The following CFAP20DC variants were observed in gnomAD, a reference collection of about 807,000 sequenced individuals.
The protein encoded by CFAP20DC is protein CFAP20DC.
CFAP20DC carries 84 observed loss-of-function variants against 101.7 expected under a neutral mutation model. That is an observed-to-expected ratio of 0.83 (90% CI 0.69 to 0.99). The LOEUF is 0.99. Among genes scored for constraint, CFAP20DC ranks in the 50% least tolerant of loss-of-function variants. CFAP20DC has a pLI of 0.00. For missense variants in CFAP20DC, 1,007 were observed against 970.3 expected, an observed-to-expected ratio of 1.04 and a Z score of -0.50; for synonymous variants, 359 against 351.2, an observed-to-expected ratio of 1.02 and a Z score of -0.25.
intron 4 of CFAP20DC, among the ~76,000 whole-genome samples, chr3:59,034,665 C>T (rs1160959840): frequency 3.9e-5 from 6 of 152,144 alleles, no homozygotes; most frequent in Non-Finnish European, 7.4e-5. Context: ...TATATATACA[C>T]CCAATACAGG....
intron 4 of CFAP20DC, among the ~76,000 whole-genome samples, chr3:58,995,211 C>T (rs1055192976): frequency 2.0e-5 from 3 of 152,064 alleles, no homozygotes; most frequent in Non-Finnish European, 4.4e-5. Context: ...GCCTGCCTTC[C>T]TCTGCCCCAT....
chr3:58,878,744 G>C (rs781156659), intron 7 of CFAP20DC, among the ~76,000 whole-genome samples: 34 of 152,194 alleles, frequency 2.2e-4, no homozygotes, highest in Non-Finnish European at 4.3e-4. Context: ...GGGCGGGGTG[G>C]CTCACGCCTG....
rs754704028 is a variant in CFAP20DC at position 58,799,727 on chromosome 3, GTGTGTC to G, written c.2237+6662_2237+6667del. Among the ~76,000 whole-genome samples the G allele has an allele frequency of 2.2e-4, 29 of 130,296 alleles. No homozygotes were observed. Among genetic ancestry groups the G allele is most frequent in the South Asian group, 1.2e-3 (5 of 4,192 alleles). The allele number at this position is 130,296 out of a possible 152,430, so 85.5% of individuals were successfully genotyped here. ...AGGAGCAGTGTGTGTGTGTCTGTGT[GTGTGTC>G]TGTGTGTGTGTGTGTGTGTGTGTGT... On this transcript the variant is annotated intron_variant, in intron 15 of 16. Coordinates refer to ENST00000482387, the MANE Select transcript of CFAP20DC (RefSeq NM_001394063.1). This position sits in a 1 kb window ranked among gnomAD's most constrained non-coding sequence, Gnocchi z 4.9.
At chr3:58,733,399 C>T (rs2067685547) in intron 3 of CFAP20DC, among the ~76,000 whole-genome samples, 1 of 151,938 alleles carries the variant, frequency 6.6e-6, no homozygotes, top group South Asian at 2.1e-4. Flanking sequence ...TCTGTTTAAA[C>T]AAATATACCT....
In CFAP20DC at chr3:58,992,511, G is replaced by GT. The variant is rs533410295; in HGVS notation, c.278+47045dup. ...AAATGAAAGAAAAAAACCTCACCTCGTTCTTCAAATGGTTTGAGAAGTCCT... is the reference window on the plus strand; with the variant it reads ...AAATGAAAGAAAAAAACCTCACCTCGTTTCTTCAAATGGTTTGAGAAGTCCT... On this transcript the variant is annotated intron_variant, in intron 4 of 16. Transcript: ENST00000482387. 2,816 of 952,380 alleles carry GT rather than the reference G, an allele frequency of 3.0e-3. 5 individuals carry two copies. Among genetic ancestry groups the GT allele is most frequent in the Non-Finnish European group, 3.4e-3 (2,691 of 800,064 alleles). The allele number at this position is 952,380 out of a possible 1,614,324, so 59.0% of individuals were successfully genotyped here. A position where few individuals can be genotyped will look rare whatever the true frequency, so the allele number is the denominator to read the frequency against.
At chr3:58,835,468 A>G (rs1030864606) in intron 13 of CFAP20DC, among the ~76,000 whole-genome samples, 3 of 152,208 alleles carry the variant, frequency 2.0e-5, no homozygotes, top group Non-Finnish European at 2.9e-5. Flanking sequence ...TATTCCCTGT[A>G]TTCCACTGCA....
In CFAP20DC at chr3:58,847,121, T is replaced by C. The variant is rs1162949677; in HGVS notation, c.1971+1911A>G. On this transcript the variant is annotated intron_variant, in intron 13 of 16. Coordinates refer to ENST00000482387, the MANE Select transcript of CFAP20DC (RefSeq NM_001394063.1). ...TAGGCATGGGCAAGGACTTCATGTC[T>C]AAAACACCAAAAGCAATGGCAACAA... 1.7e-3 allele frequency among the ~76,000 whole-genome samples: 213 copies of C among 123,516 alleles called. 1 individual carries two copies. Among genetic ancestry groups the C allele is most frequent in the Non-Finnish European group, 2.8e-3 (164 of 59,168 alleles). The allele number at this position is 123,516 out of a possible 152,430, so 81.0% of individuals were successfully genotyped here.
At chr3:59,039,697 T>C in intron 3 of CFAP20DC, 68 bp from the exon 4 acceptor site, 1 of 944,322 alleles carries the variant, frequency 1.1e-6, no homozygotes, top group Non-Finnish European at 1.6e-6. Context: ...ACAAACACAA[T>C]CACAAACCAC....
intron 6 of CFAP20DC, among the ~76,000 whole-genome samples, chr3:58,890,328 C>T (rs1288654792): frequency 6.9e-6 from 1 of 145,498 alleles, no homozygotes; most frequent in African/African-American, 2.5e-5. Flanking sequence ...CCACCTCCCT[C>T]CCGGACGGGG....
intron 5 of CFAP20DC, among the ~76,000 whole-genome samples, chr3:58,930,813 C>T (rs1442657813): frequency 6.6e-6 from 1 of 152,136 alleles, no homozygotes; most frequent in Non-Finnish European, 1.5e-5. Flanking sequence ...ATAGGAACAG[C>T]TCCGGTCTAC....
chr3:59,016,384 G>A (rs1440045096), intron 4 of CFAP20DC, among the ~76,000 whole-genome samples: 1 of 152,092 alleles, frequency 6.6e-6, no homozygotes, highest in African/African-American at 2.4e-5. Context: ...GGTATGAGAG[G>A]ATGGGAAGGG....
downstream of CFAP20DC, chr3:58,737,297 ATCTC>A (rs1296138726): frequency 4.4e-6 from 2 of 454,544 alleles, no homozygotes; most frequent in Non-Finnish European, 8.8e-6. This position sits in a 1 kb window ranked among gnomAD's most constrained non-coding sequence, Gnocchi z 4.1. Context: ...CCACTACCAA[ATCTC>A]TCTCACACAC....
intron 4 of CFAP20DC, among the ~76,000 whole-genome samples, chr3:59,000,295 G>GA (rs2093273024): frequency 1.3e-5 from 2 of 152,132 alleles, no homozygotes; most frequent in African/African-American, 2.4e-5. Flanking sequence ...TGAGATTACT[G>GA]AGATGGCCAG....
Position 58,861,845 on chromosome 3 carries a change from C to T in CFAP20DC, c.1593+1713G>A. ...ATGGCACAGGGGTGACCAGATAGCC[C>T]TGCCAGTGAAAGCTTGGGTAATGCA... On this transcript the variant is annotated intron_variant, in intron 12 of 16. Coordinates refer to ENST00000482387, the MANE Select transcript of CFAP20DC (RefSeq NM_001394063.1). This position sits in a 1 kb window ranked among gnomAD's most constrained non-coding sequence, Gnocchi z 4.0. The T allele has an allele frequency of 2.0e-6, 2 of 985,278 alleles. No individual in the cohort carries two copies. The highest frequency in any genetic ancestry group is 4.7e-5 in the South Asian group (1 of 21,274). 61.0% of individuals were successfully genotyped at this position (985,278 alleles called of 1,614,324 possible).
intron 4 of CFAP20DC, among the ~76,000 whole-genome samples, chr3:58,972,315 T>G (rs2091997559): frequency 6.6e-6 from 1 of 152,100 alleles, no homozygotes; most frequent in Non-Finnish European, 1.5e-5. Flanking sequence ...GAGTGGACAT[T>G]TTGTCAATAG....
At chr3:58,773,510 T>TGAC (rs1440234505) in intron 15 of CFAP20DC, among the ~76,000 whole-genome samples, 5 of 152,076 alleles carry the variant, frequency 3.3e-5, no homozygotes, top group African/African-American at 9.7e-5. Flanking sequence ...GAGGTATGAT[T>TGAC]GTGCCACTGC....
At chr3:58,961,026 T>A (rs775020790) in intron 4 of CFAP20DC, among the ~76,000 whole-genome samples, 1 of 152,354 alleles carries the variant, frequency 6.6e-6, no homozygotes, top group Admixed American at 6.5e-5. Flanking sequence ...TTCATTCTAC[T>A]AACAGGGCAT....
chr3:58,957,903 A>C (rs2090786249), intron 4 of CFAP20DC, among the ~76,000 whole-genome samples: 1 of 152,178 alleles, frequency 6.6e-6, no homozygotes, highest in Non-Finnish European at 1.5e-5. Context: ...TTACCAAAAA[A>C]ATAGAATGAA....
Position 59,014,846 on chromosome 3 carries a change from G to A in CFAP20DC, c.278+24711C>T, listed in dbSNP as rs1012820231. On this transcript the variant is annotated intron_variant, in intron 4 of 16. Transcript: ENST00000482387. The surrounding 1 kb of genome is among the most constrained non-coding windows in gnomAD (Gnocchi z 4.9). Reference sequence around the variant, plus strand: ...CCTTAGCAGTATGCTTGACTGGTTTGTGAGGCTCCGTGGTGAGCATCTCCT... The same window carrying A: ...CCTTAGCAGTATGCTTGACTGGTTTATGAGGCTCCGTGGTGAGCATCTCCT... Among the ~76,000 whole-genome samples the A allele has an allele frequency of 1.3e-5, 2 of 152,096 alleles. No individual in the cohort carries two copies. Among genetic ancestry groups the A allele is most frequent in the Non-Finnish European group, 1.5e-5 (1 of 68,004 alleles).
Sources: gnomAD v4.1 joint callset for allele counts (sites outside exome capture counted in the v4.1 genomes callset) on GRCh38, gnomAD v4.1.1 for gene constraint, Gnocchi (gnomAD v3.1) non-coding constraint, MANE v1.5 for transcripts, NCBI Gene and HGNC (gene_info 2026-07-23, HGNC 2026-07-21) for gene names.